The following RPA1 variants were observed in gnomAD, a reference collection of about 807,000 sequenced individuals.
The protein encoded by RPA1 is replication protein A 70 kDa DNA-binding subunit.
In RPA1, 49 loss-of-function variants were observed where a neutral mutation model predicts 83.0. That is an observed-to-expected ratio of 0.59 (90% CI 0.47 to 0.75). The LOEUF is 0.75. Among genes scored for constraint, RPA1 ranks in the 30% least tolerant of loss-of-function variants. The pLI, the probability that RPA1 is intolerant of heterozygous loss-of-function variation, is 0.00. For missense variants in RPA1, 693 were observed against 776.1 expected (o/e 0.89, Z 1.27); for synonymous variants, 279 against 281.8 (o/e 0.99, Z 0.10).
intron 4 of RPA1, among the ~76,000 whole-genome samples, chr17:1,848,062 T>C (rs770282632): frequency 1.1e-4 from 17 of 151,950 alleles, no homozygotes; most frequent in Non-Finnish European, 1.9e-4. Context: ...ACAAATTCAA[T>C]GACTGGTTCT....
At position 1,892,857 on chromosome 17, in the gene RPA1, A is replaced by G. The variant is rs17339201; in HGVS notation, c.1659+917A>G. On this transcript the variant is annotated intron_variant, in intron 15 of 16. Coordinates refer to ENST00000254719, the MANE Select transcript of RPA1 (RefSeq NM_002945.5). ...TTAATGTACAGAATAGATTGCTAAT[A>G]ATGCTGAATTTAGGAAAGGTAGTTG... Among the ~76,000 whole-genome samples, 513 of 152,346 alleles carry G rather than the reference A, an allele frequency of 3.4e-3. 9 individuals carry two copies. In the South Asian group the frequency reaches 0.048, roughly 14 times the overall value.
chr17:1,869,421 C>T (rs1251636568), intron 5 of RPA1, among the ~76,000 whole-genome samples: 1 of 152,064 alleles, frequency 6.6e-6, no homozygotes, highest in East Asian at 1.9e-4. Flanking sequence ...GCCTGTAATC[C>T]TAGCTACTCG....
In RPA1 at chr17:1,878,978, C is replaced by T. The variant is rs1320051474; in HGVS notation, c.691-15C>T. On this transcript the variant is annotated splice_polypyrimidine_tract_variant and intron_variant, in intron 8 of 16. Coordinates refer to ENST00000254719, the MANE Select transcript of RPA1 (RefSeq NM_002945.5). ...TTCAATCCCGCAGCCCTAACCTGCC[C>T]ACGTGCTTCTGCAGGGTGAAATCCG... The T allele has an allele frequency of 1.2e-6, 2 of 1,614,046 alleles. No individual in the cohort carries two copies. The highest frequency in any genetic ancestry group is 1.7e-6 in the Non-Finnish European group (2 of 1,179,940).
chr17:1,884,182 C>T lies in RPA1; in HGVS notation c.1374+238C>T, dbSNP rs17339004. 2.0e-4 allele frequency among the ~76,000 whole-genome samples: 31 copies of T among 152,312 alleles called. No homozygotes were observed. The East Asian group carries it at 5.4e-3, about 27-fold the overall frequency. On this transcript the variant is annotated intron_variant, in intron 13 of 16. Transcript: ENST00000254719. This position sits in a 1 kb window ranked among gnomAD's most constrained non-coding sequence, Gnocchi z 4.1. ...GGAGAGTCTGAAGAACTCTTAGAGT[C>T]AATTCCTAGAGGGATCTTGGAGCAG...
chr17:1,865,091 TGAATTCA>T (rs1361319444), intron 5 of RPA1, among the ~76,000 whole-genome samples: 6 of 152,196 alleles, frequency 3.9e-5, no homozygotes, highest in African/African-American at 9.6e-5. Flanking sequence ...ACCTTAGCAG[TGAATTCA>T]GCACAATCGC....
chr17:1,890,657 C>T (rs1914169628), intron 14 of RPA1, among the ~76,000 whole-genome samples: 1 of 152,084 alleles, frequency 6.6e-6, no homozygotes, highest in African/African-American at 2.4e-5. Context: ...AGCAAGACTC[C>T]ATCTCAATAA....
intron 6 of RPA1, 131 bp from the exon 7 acceptor site, chr17:1,875,530 A>T (rs139012534): frequency 1.4e-5 from 14 of 993,464 alleles, no homozygotes; most frequent in Middle Eastern, 5.6e-4. Flanking sequence ...TATAAAAAGG[A>T]AAAGCTTTGC....
chr17:1,869,519 CAA>C (rs1303646461), intron 5 of RPA1, among the ~76,000 whole-genome samples: 1 of 143,194 alleles, frequency 7.0e-6, no homozygotes, highest in Non-Finnish European at 1.5e-5. Flanking sequence ...GCCTGGGTAA[CAA>C]GAGCGAGACT....
At chr17:1,874,863 G>A (rs930329515) in intron 6 of RPA1, among the ~76,000 whole-genome samples, 3 of 152,208 alleles carry the variant, frequency 2.0e-5, no homozygotes, top group Non-Finnish European at 4.4e-5. Flanking sequence ...TGGATAGATG[G>A]TGTATTGATA....
In RPA1 at chr17:1,830,055, C is replaced by G. The variant is rs1911466086; in HGVS notation, c.-39C>G. On this transcript the variant is annotated 5_prime_UTR_variant, in exon 1 of 17. Transcript: ENST00000254719. ...CGGGACCCGGGTGGGGAAGCTGGAG[C>G]TGTTGCGGGGTCCGCGGGGAAGTCT... 5 of 1,248,574 alleles carry G rather than the reference C, an allele frequency of 4.0e-6. No homozygotes were observed. Among genetic ancestry groups the G allele is most frequent in the Admixed American group, 4.2e-5 (1 of 23,700 alleles). The allele number at this position is 1,248,574 out of a possible 1,614,324, so 77.3% of individuals were successfully genotyped here.
chr17:1,876,694 G>T (rs1347137237), intron 7 of RPA1, among the ~76,000 whole-genome samples: 1 of 152,154 alleles, frequency 6.6e-6, no homozygotes, highest in African/African-American at 2.4e-5. Flanking sequence ...GAAATTATAA[G>T]TGGGGTACCT....
At chr17:1,863,577 G>C (rs1913068565) in intron 5 of RPA1, among the ~76,000 whole-genome samples, 1 of 152,150 alleles carries the variant, frequency 6.6e-6, no homozygotes, top group Non-Finnish European at 1.5e-5. Flanking sequence ...CTGGTCTTGA[G>C]CTCCTGAGTT....
chr17:1,869,248 C>G (rs1913291196), intron 5 of RPA1, among the ~76,000 whole-genome samples: 2 of 152,086 alleles, frequency 1.3e-5, no homozygotes, highest in Admixed American at 6.6e-5. Context: ...CTGAAATATC[C>G]TGTTTCGGCC....
At chr17:1,842,226 T>C (rs1448641649) in intron 1 of RPA1, among the ~76,000 whole-genome samples, 2 of 152,156 alleles carry the variant, frequency 1.3e-5, no homozygotes, top group African/African-American at 2.4e-5. Context: ...GTATTGTCTT[T>C]TCTATTTTCT....
intron 13 of RPA1, among the ~76,000 whole-genome samples, chr17:1,885,747 C>T (rs530476416): frequency 6.6e-6 from 1 of 152,266 alleles, no homozygotes; most frequent in East Asian, 1.9e-4. Flanking sequence ...GCCAACTGTT[C>T]TTAATAGCAT....
Position 1,880,436 on chromosome 17 carries a change from G to A in RPA1, c.1093-107G>A, listed in dbSNP as rs17292147. ...TCTGTCTTGTATGGATTCCATGTAC[G>A]CTGATTACATTCACTCTACTATTGA... On this transcript the variant is annotated intron_variant, in intron 11 of 16. Transcript: ENST00000254719. 25,412 of 1,180,892 alleles carry A rather than the reference G, an allele frequency of 0.022. 3,008 individuals carry two copies. The African/African-American group carries it at 0.29, about 14-fold the overall frequency. The allele number at this position is 1,180,892 out of a possible 1,614,324, so 73.2% of individuals were successfully genotyped here. A position where few individuals can be genotyped will look rare whatever the true frequency, so the allele number is the denominator to read the frequency against.
intron 16 of RPA1, among the ~76,000 whole-genome samples, chr17:1,895,882 C>A (rs1914401155): frequency 6.6e-6 from 1 of 151,898 alleles, no homozygotes; most frequent in Non-Finnish European, 1.5e-5. Flanking sequence ...GGAGTTTTCA[C>A]CATGTTGGCC....
chr17:1,866,241 C>T (rs1913168766), intron 5 of RPA1, among the ~76,000 whole-genome samples: 1 of 151,790 alleles, frequency 6.6e-6, no homozygotes, highest in Non-Finnish European at 1.5e-5. Flanking sequence ...GACTCCATCT[C>T]AAAAAACAAC....
chr17:1,850,952 CT>C (rs767679670), intron 4 of RPA1, among the ~76,000 whole-genome samples: 1 of 151,848 alleles, frequency 6.6e-6, no homozygotes, highest in East Asian at 1.9e-4. Flanking sequence ...TTTTAAAAAT[CT>C]TTTTTCTGGA....
Sources: gnomAD v4.1 joint callset for allele counts (sites outside exome capture counted in the v4.1 genomes callset) on GRCh38, gnomAD v4.1.1 for gene constraint, Gnocchi (gnomAD v3.1) non-coding constraint, MANE v1.5 for transcripts, NCBI Gene and HGNC (gene_info 2026-07-23, HGNC 2026-07-21) for gene names.